TTN: variants seen among roughly 807,000 people sequenced by gnomAD.
The protein encoded by TTN is titin.
In TTN, 1,525 loss-of-function variants were observed where a neutral mutation model predicts 3,223.0. The observed-to-expected ratio is 0.47, with a 90% confidence interval of 0.45 to 0.49. TTN has a LOEUF of 0.49. Among genes scored for constraint, TTN ranks in the 20% least tolerant of loss-of-function variants. The pLI, the probability that TTN is intolerant of heterozygous loss-of-function variation, is 0.00. For missense variants in TTN, 40,786 were observed against 43,424.0 expected (o/e 0.94, Z 5.40); for synonymous variants, 14,094 against 15,161.0 (o/e 0.93, Z 5.17).
At chr2:178,680,451 G>C in intron 138 of TTN, 120 bp from the exon 139 acceptor site, 2 of 811,828 alleles carry the variant, frequency 2.5e-6, no homozygotes, top group Admixed American at 2.5e-5. Flanking sequence ...ATACATATGC[G>C]ATTGTTCATC....
chr2:178,685,169 T>C (rs186429936), intron 129 of TTN, 84 bp downstream of exon 129: 2 of 1,277,524 alleles, frequency 1.6e-6, no homozygotes, highest in African/African-American at 1.5e-5. Flanking sequence ...CAAATTGTTA[T>C]GCATAAGACA....
rs1250302805 is a variant in TTN at position 178,589,300 on chromosome 2, CG to C, written c.62424del (p.Asp20808GlufsTer5). The C allele has an allele frequency of 6.2e-7, 1 of 1,612,998 alleles. No individual in the cohort carries two copies. Among genetic ancestry groups the C allele is most frequent in the Non-Finnish European group, 8.5e-7 (1 of 1,179,386 alleles). On this transcript the variant is annotated frameshift_variant, in exon 304 of 363. Transcript: ENST00000589042. LOFTEE classifies it high-confidence loss of function. The part of the protein sequence containing the change: ...FPEVAWTKDK[D>X]ATDLTRSPRV... ...CTTGGTGATCTTGTTAAGTCTGTAG[CG>C]TCTTTGTCCTTGGTCCATGCAACTT... is the stretch of plus-strand genomic sequence containing the variant.
In TTN at chr2:178,552,871, T is replaced by G; in HGVS notation, c.90029A>C (p.Glu30010Ala). 6.2e-7 allele frequency: 1 copy of G among 1,613,846 alleles called. No individual in the cohort carries two copies. ...KTPFFFRVLA[E>A]NEIGIGEPCE... Reference sequence around the variant, plus strand: ...GGGTTCCCCAATTCCAATTTCATTTTCTGCAAGAACTCTGAAGAAGAATGG... The same window carrying G: ...GGGTTCCCCAATTCCAATTTCATTTGCTGCAAGAACTCTGAAGAAGAATGG... Residue 30010 changes from glutamate to alanine, a missense_variant, in exon 335 of 363, where the codon GAA (glutamate) becomes GCA (alanine). By Grantham distance (107) the Glu-to-Ala change is moderately radical (BLOSUM62 -1). Coordinates refer to ENST00000589042, the MANE Select transcript of TTN (RefSeq NM_001267550.2).
chr2:178,619,678 C>G lies in TTN; in HGVS notation c.46639G>C (p.Gly15547Arg), dbSNP rs769290450. The part of the protein sequence containing the change: ...QICDIKPRDQ[G>R]EYRFIAKDKE... ...TCTTTGGCAATAAATCTGTATTCACCCTGGTCACGGGGCTTAATATCACAA... is the reference window on the plus strand; with the variant it reads ...TCTTTGGCAATAAATCTGTATTCACGCTGGTCACGGGGCTTAATATCACAA... Residue 15547 changes from glycine (G) to arginine (R), a missense_variant, in exon 250 of 363, where the codon GGT becomes CGT. By Grantham distance (125) the Gly-to-Arg change is moderately radical (BLOSUM62 -2). Transcript: ENST00000589042. 1 of 1,612,168 alleles carries G rather than the reference C, an allele frequency of 6.2e-7. No homozygotes were observed. Among genetic ancestry groups the G allele is most frequent in the Non-Finnish European group, 8.5e-7 (1 of 1,178,858 alleles).
rs2082072923 is a variant in TTN, at chr2:178,739,320, T to C, written c.13913A>G (p.Tyr4638Cys). Reference sequence around the variant, plus strand: ...TGAAGGCACCAGTTTATTCTCAAAATACCAATTCACCTCTTTAGCATTTGT... The same window carrying C: ...TGAAGGCACCAGTTTATTCTCAAAACACCAATTCACCTCTTTAGCATTTGT... ...SITNAKEVNW[Y>C]FENKLVPSDE... is the part of the protein sequence containing the mutation. The change falls in exon 48 of 363, where the codon TAT (tyrosine) becomes TGT (cysteine). Residue 4638 changes from tyrosine (Y) to cysteine (C), a missense_variant. Tyr to Cys is a radical substitution (Grantham distance 194). Transcript: ENST00000589042. The C allele has an allele frequency of 6.2e-7, 1 of 1,613,762 alleles. No individual in the cohort carries two copies. The highest frequency in any genetic ancestry group is 8.5e-7 in the Non-Finnish European group (1 of 1,179,760).
chr2:178,537,207 T>C lies in TTN; in HGVS notation c.99902A>G (p.Glu33301Gly). ...CACTGCGGAGTTCTTCAATAGAGCT[T>C]CGATCACAATTGGTCCTGTAGGTTT... is the stretch of plus-strand genomic sequence containing the variant. ...PDKPTGPIVI[E>G]ALLKNSAVIS... The change falls in exon 356 of 363, where the codon GAA becomes GGA. Residue 33301 changes from glutamate (E) to glycine (G), a missense_variant. Glu to Gly is a moderately conservative substitution (Grantham distance 98). Coordinates refer to ENST00000589042, the MANE Select transcript of TTN (RefSeq NM_001267550.2). 1.2e-6 allele frequency: 2 copies of C among 1,610,858 alleles called. No individual in the cohort carries two copies. The highest frequency in any genetic ancestry group is 1.7e-6 in the Non-Finnish European group (2 of 1,177,412).
At position 178,766,361 on chromosome 2, in the gene TTN, T is replaced by C. The variant is rs1163828172; in HGVS notation, c.9703+20A>G. 1 of 1,565,900 alleles carries C rather than the reference T, an allele frequency of 6.4e-7. No individual in the cohort carries two copies. Among genetic ancestry groups the C allele is most frequent in the Non-Finnish European group, 8.8e-7 (1 of 1,136,092 alleles). Reference sequence around the variant, plus strand: ...TTTCTGATGGATCCACAAAATATGCTGAAATCTGTCCCTACATACCATTGA... The same window carrying C: ...TTTCTGATGGATCCACAAAATATGCCGAAATCTGTCCCTACATACCATTGA... On this transcript the variant is annotated intron_variant, in intron 41 of 362. Coordinates refer to ENST00000589042, the MANE Select transcript of TTN (RefSeq NM_001267550.2).
Position 178,707,522 on chromosome 2 carries a change from G to GTA in TTN, c.29041+2_29041+3dup. 2 of 1,610,780 alleles carry GTA rather than the reference G, an allele frequency of 1.2e-6. No individual in the cohort carries two copies. Among genetic ancestry groups the GTA allele is most frequent in the African/African-American group, 2.7e-5 (2 of 75,000 alleles). ...GCTGCATAATACTTTTGAGGTGTCT[G>GTA]TACCTTTAATGGTCACTTTTGATTT... On this transcript the variant is annotated splice_donor_region_variant and intron_variant, in intron 100 of 362. Coordinates refer to ENST00000589042, the MANE Select transcript of TTN (RefSeq NM_001267550.2).
Position 178,799,458 on chromosome 2 carries a change from A to G in TTN, c.914+29T>C, listed in dbSNP as rs1460610491. On this transcript the variant is annotated intron_variant, in intron 6 of 362. Coordinates refer to ENST00000589042, the MANE Select transcript of TTN (RefSeq NM_001267550.2). ...TCAAAACCTAGTTCCAAAATGTGCA[A>G]TAATCTGCTCTCTCTATGGCAGCTT... The G allele has an allele frequency of 1.9e-6, 3 of 1,613,826 alleles. No individual in the cohort carries two copies. In the East Asian group the frequency reaches 6.7e-5, roughly 36 times the overall value.
intron 288 of TTN, chr2:178,600,410 C>CATATATATATATATATATATAT (rs10684593): frequency 7.0e-6 from 1 of 142,170 alleles, no homozygotes; most frequent in Non-Finnish European, 1.6e-5. Flanking sequence ...GAATTATTAC[C>CATATATATATATATATATATAT]ATATATATAT....
Position 178,730,792 on chromosome 2 carries a change from T to A in TTN, c.17741A>T (p.Asp5914Val), listed in dbSNP as rs148021852. 3 of 1,568,346 alleles carry A rather than the reference T, an allele frequency of 1.9e-6. No individual in the cohort carries two copies. The East Asian group carries it at 6.8e-5, about 35-fold the overall frequency. Residue 5914 changes from aspartate (D) to valine (V), a missense_variant and splice_region_variant, in exon 61 of 363, where the codon GAT (aspartate) becomes GTT (valine). Transcript: ENST00000589042. ...GGTGAATGAAGGAGGTATGATAAGA[T>A]CTATTCAATGAAAAAGCAAACAACA... The part of the protein sequence containing the change: ...SSCKARINVL[D>V]LIIPPSFTKK...
chr2:178,692,822 G>T (rs2072797987), intron 119 of TTN, among the ~76,000 whole-genome samples: 1 of 152,068 alleles, frequency 6.6e-6, no homozygotes, highest in Non-Finnish European at 1.5e-5. Context: ...TCCCTCGGAG[G>T]TGCCTGTGTC....
Position 178,773,844 on chromosome 2 carries a change from C to G in TTN, c.7324G>C (p.Val2442Leu). The change falls in exon 31 of 363, where the codon GTC (valine) becomes CTC (leucine). Residue 2442 changes from valine to leucine, a missense_variant. By Grantham distance (32) the Val-to-Leu change is conservative. Coordinates refer to ENST00000589042, the MANE Select transcript of TTN (RefSeq NM_001267550.2). ...TTTTATAATTAGGACTCACTATAGACAGAGACACGCCCACTGGTGGAGAGG... is the reference window on the plus strand; with the variant it reads ...TTTTATAATTAGGACTCACTATAGAGAGAGACACGCCCACTGGTGGAGAGG... ...LGLSTSGRVS[V>L]YSVDVITPLK... The G allele has an allele frequency of 6.2e-7, 1 of 1,614,108 alleles. No individual in the cohort carries two copies. The highest frequency in any genetic ancestry group is 8.5e-7 in the Non-Finnish European group (1 of 1,179,992).
Position 178,580,508 on chromosome 2 carries a change from G to T in TTN, c.66871C>A (p.Pro22291Thr). The stretch of plus-strand genomic sequence containing the variant: ...TTTGGTTTAGACCAAGTAATCTTTG[G>T]AGGTGGGCGTCCTTTTACTGGTACA... ...LYVPVKGRPP[P>T]KITWSKPNVN... Residue 22291 changes from proline (P) to threonine (T), a missense_variant, in exon 317 of 363, where the codon CCA (proline) becomes ACA (threonine). Coordinates refer to ENST00000589042, the MANE Select transcript of TTN (RefSeq NM_001267550.2). The T allele has an allele frequency of 1.2e-6, 2 of 1,612,894 alleles. No homozygotes were observed. Among genetic ancestry groups the T allele is most frequent in the Non-Finnish European group, 1.7e-6 (2 of 1,179,342 alleles).
rs778342511 is a variant in TTN, at chr2:178,637,360, G to T, written c.40927+9C>A. On this transcript the variant is annotated intron_variant, in intron 224 of 362. Transcript: ENST00000589042. Reference sequence around the variant, plus strand: ...GTTACAATGCAAGTACTAGAAAAATGAATTTCACCTTTGATAGGACCTTTT... The same window carrying T: ...GTTACAATGCAAGTACTAGAAAAATTAATTTCACCTTTGATAGGACCTTTT... 2.1e-6 allele frequency: 3 copies of T among 1,459,508 alleles called. No individual in the cohort carries two copies. Among genetic ancestry groups the T allele is most frequent in the South Asian group, 3.2e-5 (2 of 62,542 alleles). 90.4% of individuals were successfully genotyped at this position (1,459,508 alleles called of 1,614,324 possible). A position where few individuals can be genotyped will look rare whatever the true frequency, so the allele number is the denominator to read the frequency against.
Position 178,769,912 on chromosome 2 carries a change from T to G in TTN, c.8669A>C (p.Asn2890Thr). ...ETLHITKTMKNIEVPETKTAS... is the reference protein window; with the variant it reads ...ETLHITKTMKTIEVPETKTAS... ...AGTTTTGGTCTCAGGCACCTCGATA[T>G]TTTTCATGGTTTTTGTAATATGTAA... Residue 2890 changes from asparagine (N) to threonine (T), a missense_variant, in exon 37 of 363, where the codon AAT becomes ACT. Transcript: ENST00000589042. The G allele has an allele frequency of 6.2e-7, 1 of 1,614,122 alleles. No homozygotes were observed. Among genetic ancestry groups the G allele is most frequent in the Non-Finnish European group, 8.5e-7 (1 of 1,180,002 alleles).
chr2:178,699,730 T>A (rs1281151265), intron 111 of TTN, among the ~76,000 whole-genome samples: 1 of 123,728 alleles, frequency 8.1e-6, no homozygotes, highest in African/African-American at 3.1e-5. Flanking sequence ...TTAATTTTTT[T>A]TTTTTTTTTT....
At chr2:178,751,789 C>T in intron 47 of TTN, 1 of 1,613,016 alleles carries the variant, frequency 6.2e-7, no homozygotes, top group Non-Finnish European at 8.5e-7. Flanking sequence ...TGTTATGAAA[C>T]CAAGTCATTT....
rs749705087 is a variant in TTN, at chr2:178,552,831, C to T, written c.90069G>A (p.Glu30023=). The T allele has an allele frequency of 1.2e-6, 2 of 1,613,820 alleles. No individual in the cohort carries two copies. Among genetic ancestry groups the T allele is most frequent in the Non-Finnish European group, 1.7e-6 (2 of 1,179,782 alleles). ...IGIGEPCETT[E]PVKAAEVPAP... ...CTGGTACTTCAGCAGCCTTCACTGGCTCTGTAGTTTCACAGGGTTCCCCAA... is the reference window on the plus strand; with the variant it reads ...CTGGTACTTCAGCAGCCTTCACTGGTTCTGTAGTTTCACAGGGTTCCCCAA... Residue 30023 remains glutamate (E), a synonymous_variant, in exon 335 of 363, where the codon GAG becomes GAA. Coordinates refer to ENST00000589042, the MANE Select transcript of TTN (RefSeq NM_001267550.2).
Sources: gnomAD v4.1 joint callset for allele counts (sites outside exome capture counted in the v4.1 genomes callset) on GRCh38, gnomAD v4.1.1 for gene constraint, MANE v1.5 for transcripts, NCBI Gene and HGNC (gene_info 2026-07-23, HGNC 2026-07-21) for gene names.